CACNA2D3: variants seen among roughly 807,000 people sequenced by gnomAD.
CACNA2D3 encodes calcium voltage-gated channel auxiliary subunit alpha2delta 3.
A neutral mutation model predicts 160.6 loss-of-function variants in CACNA2D3; 60 were observed. That is an observed-to-expected ratio of 0.37 (90% confidence interval 0.30 to 0.46). The LOEUF (loss-of-function observed/expected upper bound fraction) is 0.46. CACNA2D3 is among the 20% of genes least tolerant of loss of function. The probability of loss-of-function intolerance (pLI) is 1.00; values close to 1 mark genes in which losing one functional copy is unlikely to be tolerated. For synonymous variants in CACNA2D3, 558 were observed against 492.9 expected, an observed-to-expected ratio of 1.13 and a Z score of -1.75; for missense variants, 1,205 against 1,365.0, an observed-to-expected ratio of 0.88 and a Z score of 1.85.
rs181955359 is a variant in CACNA2D3 at position 54,729,414 on chromosome 3, A to G, written c.1168-23185A>G. ...AGTATTAGGATTCATCTGACAGTAC[A>G]TAGTCCATCATAGCTAGAAGCAGAA... On this transcript the variant is annotated intron_variant, in intron 11 of 37. Coordinates refer to ENST00000474759, the MANE Select transcript of CACNA2D3 (RefSeq NM_018398.3). Among the ~76,000 whole-genome samples, 468 of 152,246 alleles carry G rather than the reference A, an allele frequency of 3.1e-3. 3 individuals are homozygous for G. The highest frequency in any genetic ancestry group is 3.6e-3 in the Non-Finnish European group (247 of 68,026).
chr3:54,259,019 C>T (rs543045898), intron 2 of CACNA2D3, among the ~76,000 whole-genome samples: 1 of 152,308 alleles, frequency 6.6e-6, no homozygotes, highest in African/African-American at 2.4e-5. Context: ...TTTCTGGTTT[C>T]TTTGGGGGAA....
intron 3 of CACNA2D3, among the ~76,000 whole-genome samples, chr3:54,352,144 A>G (rs1341797306): frequency 6.6e-6 from 1 of 152,226 alleles, no homozygotes; most frequent in African/African-American, 2.4e-5. Flanking sequence ...GGAAAGTCAG[A>G]CAGCAAAAGG....
At chr3:55,032,886 G>C (rs1703711523) in intron 35 of CACNA2D3, among the ~76,000 whole-genome samples, 1 of 134,668 alleles carries the variant, frequency 7.4e-6, no homozygotes, top group Admixed American at 8.9e-5. Flanking sequence ...TGCTCAGAAA[G>C]CTGTTGATTG....
At chr3:54,332,705 T>C (rs1704292476) in intron 3 of CACNA2D3, among the ~76,000 whole-genome samples, 1 of 152,166 alleles carries the variant, frequency 6.6e-6, no homozygotes, top group African/African-American at 2.4e-5. Flanking sequence ...GCAATTTTTG[T>C]GTCTTCTTTT....
intron 9 of CACNA2D3, among the ~76,000 whole-genome samples, chr3:54,605,876 A>T (rs150157874): frequency 6.6e-6 from 1 of 152,342 alleles, no homozygotes; most frequent in East Asian, 1.9e-4. Flanking sequence ...ATCATTTCAT[A>T]TGAATTTGAT....
intron 31 of CACNA2D3, among the ~76,000 whole-genome samples, chr3:54,996,655 C>T (rs1702864728): frequency 6.6e-6 from 1 of 152,134 alleles, no homozygotes; most frequent in Non-Finnish European, 1.5e-5. Flanking sequence ...AACTGTTTAT[C>T]CTTGAGGTTT....
intron 29 of CACNA2D3, among the ~76,000 whole-genome samples, chr3:54,978,175 A>G (rs1702432342): frequency 6.6e-6 from 1 of 152,078 alleles, no homozygotes; most frequent in African/African-American, 2.4e-5. Context: ...CTCCTAACTC[A>G]TCCTGTGACA....
chr3:54,390,629 G>T (rs1699262757), intron 4 of CACNA2D3, among the ~76,000 whole-genome samples: 1 of 152,190 alleles, frequency 6.6e-6, no homozygotes, highest in Non-Finnish European at 1.5e-5. Context: ...CTTTGGTGGA[G>T]ACCTGTGAAA....
At chr3:54,620,802 CT>C (rs2106803724) in intron 9 of CACNA2D3, among the ~76,000 whole-genome samples, 1 of 152,316 alleles carries the variant, frequency 6.6e-6, no homozygotes, top group Non-Finnish European at 1.5e-5. Flanking sequence ...ACTCTGCTGT[CT>C]TGACCTTTCT....
At chr3:54,234,430 A>G (rs1030393677) in intron 2 of CACNA2D3, among the ~76,000 whole-genome samples, 6 of 152,354 alleles carry the variant, frequency 3.9e-5, no homozygotes, top group Non-Finnish European at 7.3e-5. Flanking sequence ...TAGTTCAACT[A>G]TTGTGGAAAG....
intron 2 of CACNA2D3, among the ~76,000 whole-genome samples, chr3:54,185,580 C>A (rs1363459037): frequency 6.6e-6 from 1 of 152,122 alleles, no homozygotes; most frequent in Non-Finnish European, 1.5e-5. Flanking sequence ...AGATTCAACA[C>A]TAAATCCTGT....
chr3:55,023,435 T>C (rs1703502433), intron 35 of CACNA2D3, among the ~76,000 whole-genome samples: 2 of 152,228 alleles, frequency 1.3e-5, no homozygotes, highest in African/African-American at 2.4e-5. Flanking sequence ...TTTGCTTCTC[T>C]TAAAAATATA....
At chr3:54,401,464 A>G (rs1245468989) in intron 4 of CACNA2D3, among the ~76,000 whole-genome samples, 1 of 152,248 alleles carries the variant, frequency 6.6e-6, no homozygotes, top group South Asian at 2.1e-4. Flanking sequence ...TAAACTATCA[A>G]AAGTCAATGA....
At chr3:55,004,943 A>G (rs1703059627) in intron 32 of CACNA2D3, 105 bp downstream of exon 32, 1 of 769,228 alleles carries the variant, frequency 1.3e-6, no homozygotes, top group Admixed American at 2.8e-5. Context: ...CTTTTTGCAA[A>G]ATCATGAACA....
At chr3:54,327,177 C>G (rs983534811) in intron 3 of CACNA2D3, among the ~76,000 whole-genome samples, 1 of 152,212 alleles carries the variant, frequency 6.6e-6, no homozygotes, top group African/African-American at 2.4e-5. Context: ...TAACATACTT[C>G]AGTTTGAGCC....
chr3:54,735,834 A>G (rs1422750456), intron 11 of CACNA2D3, among the ~76,000 whole-genome samples: 1 of 150,680 alleles, frequency 6.6e-6, no homozygotes, highest in Admixed American at 6.6e-5. Flanking sequence ...TATAGAAAAC[A>G]GCATTACATG....
chr3:54,223,576 C>T (rs940134992), intron 2 of CACNA2D3, among the ~76,000 whole-genome samples: 7 of 151,872 alleles, frequency 4.6e-5, no homozygotes, highest in African/African-American at 9.7e-5. Flanking sequence ...ATTTTTTGGC[C>T]GGGTGCGGTA....
At chr3:54,607,709 C>T (rs62255498) in intron 9 of CACNA2D3, among the ~76,000 whole-genome samples, 2,302 of 152,142 alleles carry the variant, frequency 0.015, 21 homozygotes, top group Non-Finnish European at 0.026. Context: ...TACCTATGAC[C>T]CAGCAATCCC....
chr3:54,599,074 A>C (rs1703015824), intron 9 of CACNA2D3, among the ~76,000 whole-genome samples: 1 of 152,162 alleles, frequency 6.6e-6, no homozygotes, highest in Non-Finnish European at 1.5e-5. Context: ...ATCGCGCCCT[A>C]TTGAGTTGCT....
Sources: gnomAD v4.1 joint callset for allele counts (sites outside exome capture counted in the v4.1 genomes callset) on GRCh38, gnomAD v4.1.1 for gene constraint, MANE v1.5 for transcripts, NCBI Gene and HGNC (gene_info 2026-07-23, HGNC 2026-07-21) for gene names.